CFAP299: variants seen among roughly 807,000 people sequenced by gnomAD.
The protein encoded by CFAP299 is cilia and flagella associated protein 299.
A neutral mutation model predicts 27.0 loss-of-function variants in CFAP299; 21 were observed. The observed-to-expected ratio is 0.78, with a 90% CI of 0.55 to 1.12. CFAP299 has a LOEUF of 1.12. Ranked by LOEUF, CFAP299 falls within the 50% of genes most tolerant of loss-of-function variation. The pLI is 0.00. For synonymous variants in CFAP299, 104 were observed against 98.1 expected (o/e 1.06, Z -0.36); for missense variants, 310 against 276.6 (o/e 1.12, Z -0.86).
In CFAP299 at chr4:80,419,705, C is replaced by T. The variant is rs961947384; in HGVS notation, c.242+56821C>T. 3.3e-5 allele frequency among the ~76,000 whole-genome samples: 5 copies of T among 152,210 alleles called. No individual in the cohort carries two copies. In the South Asian group the frequency reaches 8.3e-4, roughly 25 times the overall value. On this transcript the variant is annotated intron_variant, in intron 2 of 5. Coordinates refer to ENST00000358105, the MANE Select transcript of CFAP299 (RefSeq NM_152770.3). Reference sequence around the variant, plus strand: ...TGCCCTGTTCATGCCTGACTACCTACCTACTGTAACATACCTAGTAGTGGG... The same window carrying T: ...TGCCCTGTTCATGCCTGACTACCTATCTACTGTAACATACCTAGTAGTGGG...
intron 2 of CFAP299, among the ~76,000 whole-genome samples, chr4:80,402,317 G>T (rs1432952169): frequency 6.6e-6 from 1 of 152,142 alleles, no homozygotes; most frequent in African/African-American, 2.4e-5. Flanking sequence ...ATCTCAACTT[G>T]AATTGCATTT....
At chr4:80,821,647 CA>C (rs577360187) in intron 3 of CFAP299, among the ~76,000 whole-genome samples, 83 of 152,238 alleles carry the variant, frequency 5.5e-4, no homozygotes, top group Middle Eastern at 6.8e-3. Context: ...CAGGATTTGC[CA>C]GCAAAACCCC....
At chr4:80,527,959 T>A (rs1052125743) in intron 2 of CFAP299, among the ~76,000 whole-genome samples, 1 of 152,156 alleles carries the variant, frequency 6.6e-6, no homozygotes, top group African/African-American at 2.4e-5. Flanking sequence ...TGGCAGTAGG[T>A]AGATATCACC....
intron 3 of CFAP299, among the ~76,000 whole-genome samples, chr4:80,814,552 C>T (rs1192823520): frequency 6.6e-6 from 1 of 151,810 alleles, no homozygotes; most frequent in Admixed American, 6.6e-5. Flanking sequence ...TCGTATGATT[C>T]TTTTTTTCTA....
rs370673737 is a variant in CFAP299, at chr4:80,902,586, T to TATACAC, written c.476+32452_476+32453insTACACA. ...ATTTTATCCATATATATGTAATATATACACACACACACACACACACACACA... is the reference window on the plus strand; with the variant it reads ...ATTTTATCCATATATATGTAATATATATACACACACACACACACACACACACACACA... On this transcript the variant is annotated intron_variant, in intron 4 of 5. Transcript: ENST00000358105. 4.5e-3 allele frequency among the ~76,000 whole-genome samples: 567 copies of TATACAC among 126,692 alleles called. 1 individual carries two copies. The highest frequency in any genetic ancestry group is 0.024 in the Middle Eastern group (6 of 246). The allele number at this position is 126,692 out of a possible 152,430, so 83.1% of individuals were successfully genotyped here. A position where few individuals can be genotyped will look rare whatever the true frequency, so the allele number is the denominator to read the frequency against.
chr4:80,715,997 T>C lies in CFAP299; in HGVS notation c.333+132814T>C, dbSNP rs549975333. On this transcript the variant is annotated intron_variant, in intron 3 of 5. Coordinates refer to ENST00000358105, the MANE Select transcript of CFAP299 (RefSeq NM_152770.3). ...TTATTTTTCTGGGAATCCAATTTGA[T>C]TTTTAATATGTCTAAATCTGAAAAA... Among the ~76,000 whole-genome samples the C allele has an allele frequency of 4.1e-4, 63 of 152,186 alleles. 1 individual carries two copies. Among genetic ancestry groups the C allele is most frequent in the African/African-American group, 1.4e-3 (59 of 41,558 alleles).
At chr4:80,485,936 C>T (rs1244958357) in intron 2 of CFAP299, among the ~76,000 whole-genome samples, 1 of 151,972 alleles carries the variant, frequency 6.6e-6, no homozygotes, top group Non-Finnish European at 1.5e-5. Flanking sequence ...TAAACCTAGT[C>T]GCTAAATTCT....
intron 3 of CFAP299, among the ~76,000 whole-genome samples, chr4:80,712,674 TA>T (rs913636623): frequency 3.9e-5 from 6 of 152,296 alleles, no homozygotes; most frequent in Non-Finnish European, 8.8e-5. Flanking sequence ...TAAAGACTTT[TA>T]AAAAAATCAC....
intron 3 of CFAP299, among the ~76,000 whole-genome samples, chr4:80,847,204 T>C (rs1428620922): frequency 1.3e-5 from 2 of 152,206 alleles, no homozygotes; most frequent in Non-Finnish European, 2.9e-5. Flanking sequence ...TCCACCCTGC[T>C]CTACCCAGGA....
chr4:80,792,066 C>G (rs1214508780), intron 3 of CFAP299, among the ~76,000 whole-genome samples: 2 of 151,870 alleles, frequency 1.3e-5, no homozygotes, highest in Non-Finnish European at 2.9e-5. Context: ...TTATCACACC[C>G]TATATATGAC....
chr4:80,542,447 A>G lies in CFAP299; in HGVS notation c.243-40646A>G, dbSNP rs140174003. 5.1e-3 allele frequency among the ~76,000 whole-genome samples: 770 copies of G among 152,260 alleles called. 4 individuals are homozygous for G. The highest frequency in any genetic ancestry group is 0.017 in the Middle Eastern group (5 of 294). ...GAACCCACTGAGAGAGGTTAGATAA[A>G]TGATCCAGATGTTGGTACTGAAGGA... On this transcript the variant is annotated intron_variant, in intron 2 of 5. Transcript: ENST00000358105.
At chr4:80,462,612 T>C (rs1729494185) in intron 2 of CFAP299, among the ~76,000 whole-genome samples, 1 of 152,164 alleles carries the variant, frequency 6.6e-6, no homozygotes, top group South Asian at 2.1e-4. Flanking sequence ...CTAGTCATAC[T>C]CATTTGCTTT....
rs185737959 is a variant in CFAP299 at position 80,943,934 on chromosome 4, C to T, written c.477-876C>T. Among the ~76,000 whole-genome samples, 494 of 152,074 alleles carry T rather than the reference C, an allele frequency of 3.2e-3. 2 individuals are homozygous for T. The highest frequency in any genetic ancestry group is 5.9e-3 in the Non-Finnish European group (403 of 67,970). ...TACAAAAATTAGCTGAGCGTGGTGG[C>T]GCACACCTGTAGTCCCAGCTACTTG... On this transcript the variant is annotated intron_variant, in intron 4 of 5. Transcript: ENST00000358105.
intron 2 of CFAP299, among the ~76,000 whole-genome samples, chr4:80,436,233 C>T (rs920843933): frequency 2.6e-5 from 4 of 151,846 alleles, no homozygotes; most frequent in African/African-American, 9.7e-5. Context: ...CAAGGTGTGG[C>T]CATGTGACTT....
At chr4:80,663,823 C>T (rs6829444) in intron 3 of CFAP299, among the ~76,000 whole-genome samples, 108,127 of 152,046 alleles carry the variant, frequency 0.71, 41,448 homozygotes, top group Non-Finnish European at 0.85. Context: ...TTAATGATTG[C>T]GATTCTATCT....
intron 3 of CFAP299, among the ~76,000 whole-genome samples, chr4:80,803,235 T>C (rs1728701304): frequency 6.6e-6 from 1 of 152,026 alleles, no homozygotes; most frequent in Non-Finnish European, 1.5e-5. Context: ...ATAATTACAA[T>C]ACAGTGCAAT....
intron 4 of CFAP299, among the ~76,000 whole-genome samples, chr4:80,884,796 C>T (rs1438363457): frequency 6.6e-6 from 1 of 152,050 alleles, no homozygotes; most frequent in Non-Finnish European, 1.5e-5. Context: ...TAGAACCCTG[C>T]ATCATTCATC....
At chr4:80,811,951 T>C (rs956511739) in intron 3 of CFAP299, among the ~76,000 whole-genome samples, 1 of 151,782 alleles carries the variant, frequency 6.6e-6, no homozygotes, top group Non-Finnish European at 1.5e-5. Flanking sequence ...TAAAGAGATA[T>C]AAGCTTGAGG....
intron 2 of CFAP299, among the ~76,000 whole-genome samples, chr4:80,466,781 A>G (rs887718426): frequency 6.6e-6 from 1 of 152,112 alleles, no homozygotes; most frequent in African/African-American, 2.4e-5. Flanking sequence ...TTTCCACCAT[A>G]TTGATGCCCT....
Sources: gnomAD v4.1 joint callset for allele counts (sites outside exome capture counted in the v4.1 genomes callset) on GRCh38, gnomAD v4.1.1 for gene constraint, MANE v1.5 for transcripts, NCBI Gene and HGNC (gene_info 2026-07-23, HGNC 2026-07-21) for gene names.